Variants in SLC24A3 observed in about 807,000 individuals in gnomAD.
SLC24A3 encodes the protein sodium/potassium/calcium exchanger 3.
SLC24A3 carries 28 observed loss-of-function variants against 75.8 expected under a neutral mutation model. The ratio of observed to expected loss-of-function variants is 0.37; its 90% confidence interval spans 0.27 to 0.51. The LOEUF is 0.51. Among genes scored for constraint, SLC24A3 ranks in the 20% least tolerant of loss-of-function variants. The probability of loss-of-function intolerance (pLI) is 0.94; values close to 1 mark genes in which losing one functional copy is unlikely to be tolerated. For synonymous variants in SLC24A3, 372 were observed against 334.1 expected (o/e 1.11, Z -1.24); for missense variants, 663 against 847.8 (o/e 0.78, Z 2.71).
At chr20:19,435,031 C>T (rs1987174795) in intron 2 of SLC24A3, among the ~76,000 whole-genome samples, 3 of 152,240 alleles carry the variant, frequency 2.0e-5, no homozygotes, top group Admixed American at 2.0e-4. Context: ...CTCTGCATAT[C>T]TTTGGACAGA....
intron 6 of SLC24A3, among the ~76,000 whole-genome samples, chr20:19,649,523 T>C (rs2032176591): frequency 6.6e-6 from 1 of 152,238 alleles, no homozygotes; most frequent in South Asian, 2.1e-4. Flanking sequence ...TTTTTTTGCT[T>C]TGATCACTTA....
At chr20:19,317,353 A>G (rs1173777139) in intron 2 of SLC24A3, among the ~76,000 whole-genome samples, 4 of 152,256 alleles carry the variant, frequency 2.6e-5, no homozygotes, top group Non-Finnish European at 5.9e-5. Flanking sequence ...GTGACTGGGC[A>G]GACACATGCA....
At chr20:19,699,912 C>A (rs1168733886) in intron 15 of SLC24A3, among the ~76,000 whole-genome samples, 1 of 152,132 alleles carries the variant, frequency 6.6e-6, no homozygotes, top group Non-Finnish European at 1.5e-5. Flanking sequence ...GCATAGATAC[C>A]AGGTAGACAT....
At chr20:19,461,522 T>C (rs941141543) in intron 2 of SLC24A3, among the ~76,000 whole-genome samples, 2 of 137,230 alleles carry the variant, frequency 1.5e-5, no homozygotes, top group Non-Finnish European at 3.0e-5. Context: ...TTTCTTTTCT[T>C]TTTTTTCTTT....
intron 15 of SLC24A3, among the ~76,000 whole-genome samples, chr20:19,710,558 T>C (rs1300756864): frequency 6.6e-6 from 1 of 152,230 alleles, no homozygotes; most frequent in East Asian, 1.9e-4. Context: ...GTGCCTCACA[T>C]GCTCTCAGAT....
chr20:19,293,877 G>A (rs575711844), intron 2 of SLC24A3, among the ~76,000 whole-genome samples: 2 of 152,036 alleles, frequency 1.3e-5, no homozygotes, highest in African/African-American at 4.8e-5. Context: ...CTTGCCTTTA[G>A]GTCCAGTGGT....
At chr20:19,438,998 G>A (rs1422085465) in intron 2 of SLC24A3, among the ~76,000 whole-genome samples, 1 of 152,216 alleles carries the variant, frequency 6.6e-6, no homozygotes, top group East Asian at 1.9e-4. Flanking sequence ...CATACCCGGG[G>A]GAAGAAGCCT....
intron 2 of SLC24A3, among the ~76,000 whole-genome samples, chr20:19,454,970 C>T (rs1029656229): frequency 6.6e-6 from 1 of 152,160 alleles, no homozygotes; most frequent in Non-Finnish European, 1.5e-5. Context: ...GTGATAGTGT[C>T]ACTCTCAGAA....
At chr20:19,414,441 T>G (rs576408315) in intron 2 of SLC24A3, among the ~76,000 whole-genome samples, 1 of 152,346 alleles carries the variant, frequency 6.6e-6, no homozygotes, top group East Asian at 1.9e-4. Flanking sequence ...TGAATATGGC[T>G]TATCCATTCC....
intron 1 of SLC24A3, among the ~76,000 whole-genome samples, chr20:19,240,984 C>T (rs755233317): frequency 3.3e-5 from 5 of 152,296 alleles, no homozygotes; most frequent in Admixed American, 6.5e-5. Context: ...GCAAGTGCCA[C>T]GCCTCCCACT....
rs1600474017 is a variant in SLC24A3 at position 19,420,677 on chromosome 20, G to A, written c.272-94811G>A. ...CAAGCTACCAATGACTTTCTTCACAGAATTGGAAAAAACTACTTTAAAGTT... is the reference window on the plus strand; with the variant it reads ...CAAGCTACCAATGACTTTCTTCACAAAATTGGAAAAAACTACTTTAAAGTT... On this transcript the variant is annotated intron_variant, in intron 2 of 16. Coordinates refer to ENST00000328041, the MANE Select transcript of SLC24A3 (RefSeq NM_020689.4). 2.2e-5 allele frequency among the ~76,000 whole-genome samples: 2 copies of A among 92,158 alleles called. 1 individual carries two copies. The highest frequency in any genetic ancestry group is 2.3e-4 in the Admixed American group (2 of 8,786). 60.5% of individuals were successfully genotyped at this position (92,158 alleles called of 152,430 possible). A position where few individuals can be genotyped will look rare whatever the true frequency, so the allele number is the denominator to read the frequency against.
intron 1 of SLC24A3, among the ~76,000 whole-genome samples, chr20:19,227,018 G>C (rs916549777): frequency 6.6e-6 from 1 of 152,150 alleles, no homozygotes; most frequent in Non-Finnish European, 1.5e-5. Flanking sequence ...GCATCAAAAG[G>C]CATGCCCATC....
intron 9 of SLC24A3, among the ~76,000 whole-genome samples, chr20:19,677,675 C>CTTTTTT (rs1023611195): frequency 1.0e-5 from 1 of 95,604 alleles, no homozygotes; most frequent in African/African-American, 4.0e-5. Flanking sequence ...TTTTAGGATT[C>CTTTTTT]TTTTTTTTTT....
intron 2 of SLC24A3, among the ~76,000 whole-genome samples, chr20:19,467,358 A>T (rs1184587711): frequency 6.6e-6 from 1 of 152,250 alleles, no homozygotes; most frequent in Non-Finnish European, 1.5e-5. Flanking sequence ...GTGGATTGTG[A>T]CAGCATTTCC....
chr20:19,563,681 A>T (rs2030913819), intron 3 of SLC24A3, among the ~76,000 whole-genome samples: 1 of 152,180 alleles, frequency 6.6e-6, no homozygotes, highest in Non-Finnish European at 1.5e-5. Context: ...CAGCAGTTCC[A>T]CTGTTTGATG....
intron 6 of SLC24A3, among the ~76,000 whole-genome samples, chr20:19,632,260 T>C (rs2031943275): frequency 6.6e-6 from 1 of 152,180 alleles, no homozygotes; most frequent in African/African-American, 2.4e-5. Context: ...CAAATTACCA[T>C]GAACTTAGTG....
chr20:19,487,160 C>T (rs1256384756), intron 2 of SLC24A3, among the ~76,000 whole-genome samples: 2 of 152,194 alleles, frequency 1.3e-5, no homozygotes, highest in Non-Finnish European at 2.9e-5. Context: ...TCTTTAGCGT[C>T]TCCCATAGAG....
chr20:19,238,654 C>G (rs373695476), intron 1 of SLC24A3, among the ~76,000 whole-genome samples: 10 of 152,148 alleles, frequency 6.6e-5, no homozygotes, highest in Non-Finnish European at 1.3e-4. Context: ...CATTGGCAAC[C>G]CACAGCCAAG....
chr20:19,272,478 CTGATGCAGCA>C, intron 1 of SLC24A3, among the ~76,000 whole-genome samples: 1 of 152,338 alleles, frequency 6.6e-6, no homozygotes, highest in East Asian at 1.9e-4. Context: ...AATGCAGATT[CTGATGCAGCA>C]TGCTGCCTGT....
Sources: allele counts gnomAD v4.1 joint callset (sites outside exome capture counted in the v4.1 genomes callset), GRCh38; gene constraint gnomAD v4.1.1; transcripts MANE v1.5; gene names NCBI Gene and HGNC (gene_info 2026-07-23, HGNC 2026-07-21).